The following CSMD1 variants were observed in gnomAD, a reference collection of about 807,000 sequenced individuals.
The protein encoded by CSMD1 is CUB and sushi domain-containing protein 1.
Under a neutral mutation model 417.5 loss-of-function variants are expected in CSMD1, and 213 were observed. That is an observed-to-expected ratio of 0.51 (90% CI 0.46 to 0.57). The LOEUF (loss-of-function observed/expected upper bound fraction) is 0.57. Ranked by LOEUF, CSMD1 falls within the 20% of genes least tolerant of loss-of-function variation. CSMD1 has a pLI of 0.00. For synonymous variants in CSMD1, 2,862 were observed against 1,736.8 expected, an observed-to-expected ratio of 1.65 and a Z score of -16.11; for missense variants, 6,923 against 4,529.7, an observed-to-expected ratio of 1.53 and a Z score of -15.17.
At chr8:3,030,926 C>G (rs1361316672) in intron 50 of CSMD1, among the ~76,000 whole-genome samples, 1 of 151,944 alleles carries the variant, frequency 6.6e-6, no homozygotes, top group Non-Finnish European at 1.5e-5. Context: ...TTGATATCAT[C>G]ACAACAGTAA....
chr8:4,673,420 A>C (rs1006086261), intron 1 of CSMD1, among the ~76,000 whole-genome samples: 9 of 152,244 alleles, frequency 5.9e-5, no homozygotes, highest in East Asian at 1.9e-4. Context: ...CTCCTTTCCA[A>C]CCTAGGGCCC....
intron 1 of CSMD1, among the ~76,000 whole-genome samples, chr8:4,728,849 T>A (rs976774618): frequency 6.6e-6 from 1 of 152,072 alleles, no homozygotes; most frequent in Non-Finnish European, 1.5e-5. Flanking sequence ...TGGCATCTAC[T>A]GAGATTAATA....
intron 2 of CSMD1, among the ~76,000 whole-genome samples, chr8:4,442,843 C>T (rs193006049): frequency 3.9e-5 from 6 of 152,206 alleles, no homozygotes; most frequent in Non-Finnish European, 5.9e-5. Flanking sequence ...CCTTTATTTA[C>T]ATGATTTGAG....
chr8:3,261,852 C>A (rs79062142), intron 26 of CSMD1, among the ~76,000 whole-genome samples: 1 of 151,980 alleles, frequency 6.6e-6, no homozygotes, highest in Non-Finnish European at 1.5e-5. Context: ...CGAAGGCATG[C>A]GGGCCGAGGT....
intron 3 of CSMD1, among the ~76,000 whole-genome samples, chr8:4,046,910 G>C (rs914518018): frequency 1.3e-5 from 2 of 152,136 alleles, no homozygotes; most frequent in African/African-American, 2.4e-5. Flanking sequence ...AATGGGCAGA[G>C]AGAGGCTTAT....
At chr8:3,088,737 A>G (rs1234368415) in intron 48 of CSMD1, among the ~76,000 whole-genome samples, 5 of 151,700 alleles carry the variant, frequency 3.3e-5, no homozygotes, top group African/African-American at 1.2e-4. Context: ...AGTTATTTCT[A>G]GACCAAATTC....
At chr8:4,992,814 G>A (rs1213410556) in intron 1 of CSMD1, among the ~76,000 whole-genome samples, 2 of 152,244 alleles carry the variant, frequency 1.3e-5, no homozygotes, top group African/African-American at 4.8e-5. Flanking sequence ...GCGTCTGCAA[G>A]AAGCTCCCCA....
intron 1 of CSMD1, among the ~76,000 whole-genome samples, chr8:4,725,776 G>C (rs774493744): frequency 6.6e-6 from 1 of 152,140 alleles, no homozygotes; most frequent in Non-Finnish European, 1.5e-5. Context: ...AGTTACACAG[G>C]ATTTGCGCTG....
intron 12 of CSMD1, among the ~76,000 whole-genome samples, chr8:3,457,198 C>G (rs1305033187): frequency 6.6e-6 from 1 of 151,908 alleles, no homozygotes; most frequent in Admixed American, 6.6e-5. Context: ...GGACTCCTAA[C>G]CTGGACCCCC....
intron 3 of CSMD1, among the ~76,000 whole-genome samples, chr8:4,394,898 CAG>C (rs1186853902): frequency 6.6e-6 from 1 of 152,166 alleles, no homozygotes; most frequent in African/African-American, 2.4e-5. Flanking sequence ...GTTTTCACCA[CAG>C]TGTTCCTCTA....
chr8:3,450,600 T>A (rs1006270447), intron 12 of CSMD1, among the ~76,000 whole-genome samples: 1 of 151,872 alleles, frequency 6.6e-6, no homozygotes, highest in Non-Finnish European at 1.5e-5. Context: ...TTCCTGAGAA[T>A]CATGGTTTCC....
chr8:3,861,492 G>A (rs754313904), intron 5 of CSMD1, among the ~76,000 whole-genome samples: 1 of 152,120 alleles, frequency 6.6e-6, no homozygotes, highest in Non-Finnish European at 1.5e-5. Flanking sequence ...GACTCGTGAG[G>A]GCTGTGCCTT....
Position 3,295,019 on chromosome 8 carries a change from C to G in CSMD1, c.3951-10673G>C, listed in dbSNP as rs557145695. ...TTCATATGTGTGTGTATTTGTATTC[C>G]TAAACAATATATTGTACTACTCTGT... On this transcript the variant is annotated intron_variant, in intron 25 of 69. Transcript: ENST00000635120. 5.3e-5 allele frequency among the ~76,000 whole-genome samples: 8 copies of G among 152,180 alleles called. No individual in the cohort carries two copies. The East Asian group carries it at 1.5e-3, about 29-fold the overall frequency.
chr8:4,222,957 A>T (rs1430441862), intron 3 of CSMD1, among the ~76,000 whole-genome samples: 2 of 152,228 alleles, frequency 1.3e-5, no homozygotes, highest in Non-Finnish European at 2.9e-5. Context: ...CTTAAAAAAA[A>T]AATAATTTGG....
intron 1 of CSMD1, among the ~76,000 whole-genome samples, chr8:4,892,385 G>C (rs960828164): frequency 6.6e-5 from 10 of 152,050 alleles, no homozygotes; most frequent in Admixed American, 2.0e-4. Flanking sequence ...AGGGGGAGTT[G>C]AGAATCCTGA....
chr8:3,954,577 C>T (rs1329022778), intron 5 of CSMD1, among the ~76,000 whole-genome samples: 1 of 152,208 alleles, frequency 6.6e-6, no homozygotes. Flanking sequence ...CCGTGTTGCT[C>T]AGGCTGGAAC....
At chr8:4,979,911 G>C (rs553769965) in intron 1 of CSMD1, among the ~76,000 whole-genome samples, 1 of 152,034 alleles carries the variant, frequency 6.6e-6, no homozygotes, top group Admixed American at 6.5e-5. Context: ...GAAGGTGGGC[G>C]CCAGTACTCC....
At chr8:4,082,775 C>A (rs796834234) in intron 3 of CSMD1, among the ~76,000 whole-genome samples, 6 of 121,874 alleles carry the variant, frequency 4.9e-5, no homozygotes, top group African/African-American at 1.9e-4. Context: ...TCCCCCCACC[C>A]CACAACAGTC....
chr8:4,214,128 T>C (rs1316730549), intron 3 of CSMD1, among the ~76,000 whole-genome samples: 1 of 152,202 alleles, frequency 6.6e-6, no homozygotes. Flanking sequence ...TTGTTTGTTT[T>C]GTTTTGGCTT....
Sources: gnomAD v4.1 joint callset for allele counts (sites outside exome capture counted in the v4.1 genomes callset) on GRCh38, gnomAD v4.1.1 for gene constraint, MANE v1.5 for transcripts, NCBI Gene and HGNC (gene_info 2026-07-23, HGNC 2026-07-21) for gene names.